The following SPOCK1 variants were observed in gnomAD, a reference collection of about 807,000 sequenced individuals.
SPOCK1 encodes SPARC (osteonectin), cwcv and kazal like domains proteoglycan 1.
Under a neutral mutation model 55.3 loss-of-function variants are expected in SPOCK1, and 23 were observed. That is an observed-to-expected ratio of 0.42 (90% CI 0.30 to 0.59). The LOEUF is 0.59. SPOCK1 is among the 20% of genes least tolerant of loss of function. The pLI is 0.22. For missense variants in SPOCK1, 499 were observed against 552.5 expected (o/e 0.90, Z 0.97); for synonymous variants, 226 against 221.0 (o/e 1.02, Z -0.20).
chr5:137,218,525 T>G (rs1270779330), intron 3 of SPOCK1, among the ~76,000 whole-genome samples: 1 of 152,246 alleles, frequency 6.6e-6, no homozygotes, highest in Non-Finnish European at 1.5e-5. Flanking sequence ...TAACAAATAT[T>G]TGAAGTTGGA....
intron 2 of SPOCK1, among the ~76,000 whole-genome samples, chr5:137,474,149 C>A (rs971668806): frequency 6.6e-6 from 1 of 151,938 alleles, no homozygotes; most frequent in Non-Finnish European, 1.5e-5. Context: ...GCGTATGGTG[C>A]ACCAGGATCT....
intron 2 of SPOCK1, among the ~76,000 whole-genome samples, chr5:137,435,200 T>C (rs1178807049): frequency 6.6e-6 from 1 of 152,226 alleles, no homozygotes; most frequent in Non-Finnish European, 1.5e-5. Flanking sequence ...ATTTTTAAAC[T>C]TTCATCAATA....
chr5:137,057,988 T>C (rs1752332454), intron 6 of SPOCK1, among the ~76,000 whole-genome samples: 1 of 152,198 alleles, frequency 6.6e-6, no homozygotes. Context: ...CTAAGCCTGC[T>C]TGAGAAAAAG....
At chr5:137,371,660 A>C (rs149382587) in intron 2 of SPOCK1, among the ~76,000 whole-genome samples, 55 of 152,330 alleles carry the variant, frequency 3.6e-4, no homozygotes, top group Middle Eastern at 3.4e-3. Context: ...GAAGTTGATA[A>C]GTTTACCTCA....
chr5:137,198,469 A>G (rs1755346843), intron 3 of SPOCK1, among the ~76,000 whole-genome samples: 1 of 152,280 alleles, frequency 6.6e-6, no homozygotes, highest in African/African-American at 2.4e-5. Flanking sequence ...GAGAAAGGAA[A>G]GTAAGCACTA....
Position 137,262,784 on chromosome 5 carries a change from CAGAAAGG to C in SPOCK1, c.232+4219_232+4225del, listed in dbSNP as rs1756772706. On this transcript the variant is annotated intron_variant, in intron 3 of 10. Transcript: ENST00000394945. ...AGAGCATCACAACTTGGAAGGCCAC[CAGAAAGG>C]AACAAAAGGAGAAGGGAATAAAACC... Among the ~76,000 whole-genome samples the C allele has an allele frequency of 3.3e-5, 5 of 152,208 alleles. No individual in the cohort carries two copies. In the South Asian group the frequency reaches 1.0e-3, roughly 32 times the overall value.
intron 2 of SPOCK1, among the ~76,000 whole-genome samples, chr5:137,321,162 C>A: frequency 7.0e-6 from 1 of 143,688 alleles, no homozygotes; most frequent in African/African-American, 2.6e-5. Context: ...AGAGACAGGT[C>A]ATTGGAAATT....
intron 2 of SPOCK1, among the ~76,000 whole-genome samples, chr5:137,453,534 G>A (rs1753299118): frequency 6.6e-6 from 1 of 152,118 alleles, no homozygotes; most frequent in Non-Finnish European, 1.5e-5. Flanking sequence ...TGAAACAATT[G>A]TCCGCAATTT....
At chr5:137,410,789 C>A (rs1752194349) in intron 2 of SPOCK1, among the ~76,000 whole-genome samples, 1 of 152,206 alleles carries the variant, frequency 6.6e-6, no homozygotes, top group African/African-American at 2.4e-5. Context: ...AGAGACATCC[C>A]ATGCACAAAG....
intron 2 of SPOCK1, among the ~76,000 whole-genome samples, chr5:137,319,442 A>G (rs1257724937): frequency 6.6e-6 from 1 of 152,262 alleles, no homozygotes; most frequent in African/African-American, 2.4e-5. Context: ...TAACAGATTG[A>G]CATCTCTCCA....
At chr5:137,340,304 C>T (rs1368731847) in intron 2 of SPOCK1, among the ~76,000 whole-genome samples, 1 of 152,182 alleles carries the variant, frequency 6.6e-6, no homozygotes, top group Non-Finnish European at 1.5e-5. Context: ...TGAGCCCTTC[C>T]TTCTGACCCC....
chr5:137,144,613 C>G (rs1284822170), intron 3 of SPOCK1, among the ~76,000 whole-genome samples: 1 of 152,184 alleles, frequency 6.6e-6, no homozygotes, highest in Non-Finnish European at 1.5e-5. Flanking sequence ...TGTGTCATTT[C>G]CATTTAAACT....
chr5:137,142,764 C>T (rs1201780200), intron 3 of SPOCK1, among the ~76,000 whole-genome samples: 1 of 152,190 alleles, frequency 6.6e-6, no homozygotes, highest in African/African-American at 2.4e-5. Context: ...GCAGCAAGAG[C>T]TTCCTGGTCC....
intron 5 of SPOCK1, among the ~76,000 whole-genome samples, chr5:137,099,640 ATGTG>A (rs1444821419): frequency 1.3e-5 from 2 of 149,778 alleles, no homozygotes; most frequent in East Asian, 2.1e-4. Context: ...GTATATGTAC[ATGTG>A]TGTGTATGTG....
At chr5:137,256,454 C>T (rs1486353368) in intron 3 of SPOCK1, among the ~76,000 whole-genome samples, 1 of 152,170 alleles carries the variant, frequency 6.6e-6, no homozygotes, top group East Asian at 1.9e-4. Flanking sequence ...TTCTTGTTGT[C>T]TCAGGACATG....
At chr5:137,205,274 G>C (rs551555123) in intron 3 of SPOCK1, among the ~76,000 whole-genome samples, 1 of 152,252 alleles carries the variant, frequency 6.6e-6, no homozygotes, top group Non-Finnish European at 1.5e-5. Context: ...CATGGTTTCA[G>C]AATGAAAAGA....
At chr5:137,217,286 T>A (rs1755735352) in intron 3 of SPOCK1, among the ~76,000 whole-genome samples, 1 of 152,180 alleles carries the variant, frequency 6.6e-6, no homozygotes, top group South Asian at 2.1e-4. Context: ...GAGAGCACCA[T>A]CTCATCCAGC....
intron 3 of SPOCK1, among the ~76,000 whole-genome samples, chr5:137,212,258 C>G (rs1438545285): frequency 6.6e-6 from 1 of 151,782 alleles, no homozygotes; most frequent in Non-Finnish European, 1.5e-5. Flanking sequence ...ATTGTGGTGA[C>G]TAAAGGTGAG....
intron 3 of SPOCK1, among the ~76,000 whole-genome samples, chr5:137,179,710 A>C: frequency 6.6e-6 from 1 of 152,172 alleles, no homozygotes; most frequent in East Asian, 1.9e-4. Context: ...ATGAGGTATA[A>C]GACCTGCTCC....
Sources: gnomAD v4.1 joint callset for allele counts (sites outside exome capture counted in the v4.1 genomes callset) on GRCh38, gnomAD v4.1.1 for gene constraint, MANE v1.5 for transcripts, NCBI Gene and HGNC (gene_info 2026-07-23, HGNC 2026-07-21) for gene names.